Variants in HS3ST3A1 observed in about 807,000 individuals in gnomAD.
HS3ST3A1 encodes the protein heparan sulfate glucosamine 3-O-sulfotransferase 3A1.
HS3ST3A1 carries 19 observed loss-of-function variants against 25.7 expected under a neutral mutation model. That is an observed-to-expected ratio of 0.74 (90% CI 0.52 to 1.08). The LOEUF is 1.08. Ranked by LOEUF, HS3ST3A1 falls within the 50% of genes least tolerant of loss-of-function variation. The probability of loss-of-function intolerance (pLI) is 0.00; values close to 1 mark genes in which losing one functional copy is unlikely to be tolerated. For missense variants in HS3ST3A1, 459 were observed against 594.3 expected (o/e 0.77, Z 2.37); for synonymous variants, 226 against 278.6 (o/e 0.81, Z 1.88).
At chr17:13,560,237 C>A (rs551500004) in intron 1 of HS3ST3A1, among the ~76,000 whole-genome samples, 4 of 133,476 alleles carry the variant, frequency 3.0e-5, no homozygotes, top group African/African-American at 1.1e-4. Context: ...TTGCAGTGAG[C>A]CGAGACAGCG....
At chr17:13,524,419 G>A (rs113193948) in intron 1 of HS3ST3A1, among the ~76,000 whole-genome samples, 2 of 151,950 alleles carry the variant, frequency 1.3e-5, no homozygotes, top group Admixed American at 6.6e-5. Flanking sequence ...TACCACACCC[G>A]GCTAATTTTT....
At chr17:13,598,456 C>A (rs538908307) in intron 1 of HS3ST3A1, among the ~76,000 whole-genome samples, 1 of 152,174 alleles carries the variant, frequency 6.6e-6, no homozygotes, top group East Asian at 1.9e-4. Context: ...CAATAAAAAA[C>A]CACTGCAAAT....
intron 1 of HS3ST3A1, among the ~76,000 whole-genome samples, chr17:13,504,475 G>T (rs1200569406): frequency 6.6e-6 from 1 of 152,130 alleles, no homozygotes; most frequent in Non-Finnish European, 1.5e-5. Context: ...GTTACCCTTA[G>T]GGGGATCGGT....
intron 1 of HS3ST3A1, among the ~76,000 whole-genome samples, chr17:13,585,186 C>CTTTGTTTTTTT (rs1908219611): frequency 3.0e-5 from 1 of 33,234 alleles, no homozygotes; most frequent in Non-Finnish European, 5.2e-5. Flanking sequence ...TTTTTCTGTG[C>CTTTGTTTTTTT]TTTTTTTTTT....
intron 1 of HS3ST3A1, among the ~76,000 whole-genome samples, chr17:13,504,125 CAACTGGTGA>C (rs1905578765): frequency 6.6e-6 from 1 of 151,876 alleles, no homozygotes; most frequent in Non-Finnish European, 1.5e-5. Flanking sequence ...CCAGCCTGAC[CAACTGGTGA>C]AACCCCGTCT....
chr17:13,507,898 T>C (rs1905734723), intron 1 of HS3ST3A1, among the ~76,000 whole-genome samples: 1 of 152,200 alleles, frequency 6.6e-6, no homozygotes, highest in Admixed American at 6.5e-5. Flanking sequence ...TGCTGTCAGC[T>C]CGCCATCCCT....
At chr17:13,567,490 T>G (rs996022612) in intron 1 of HS3ST3A1, among the ~76,000 whole-genome samples, 5 of 152,342 alleles carry the variant, frequency 3.3e-5, no homozygotes, top group Middle Eastern at 6.8e-3. Flanking sequence ...CCATAGATAG[T>G]GATTCCTCTG....
intron 1 of HS3ST3A1, 121 bp downstream of exon 1, chr17:13,600,410 C>T: frequency 1.4e-6 from 2 of 1,406,718 alleles, no homozygotes; most frequent in Non-Finnish European, 1.8e-6. Context: ...CTTGACGACC[C>T]TTCGCCTTCT....
intron 1 of HS3ST3A1, among the ~76,000 whole-genome samples, chr17:13,552,444 T>C (rs562818329): frequency 5.9e-5 from 9 of 152,324 alleles, no homozygotes; most frequent in African/African-American, 2.2e-4. Context: ...GCACCAGGCA[T>C]GGCAGGGCAA....
intron 1 of HS3ST3A1, among the ~76,000 whole-genome samples, chr17:13,529,037 A>G (rs560760269): frequency 6.6e-6 from 1 of 152,160 alleles, no homozygotes; most frequent in African/African-American, 2.4e-5. Flanking sequence ...GTAGACTCTG[A>G]TAAAGGGAAA....
Position 13,496,491 on chromosome 17 carries a change from G to A in HS3ST3A1, c.927C>T (p.Phe309=), listed in dbSNP as rs761345338. ...LRHFPIRQML[F]VSGERLISDP... ...CGCTGATGAGCCGCTCGCCGCTCAC[G>A]AAGAGCATCTGGCGGATGGGGAAGT... The change falls in exon 2 of 2, where the codon TTC becomes TTT. Residue 309 remains phenylalanine, a synonymous_variant. Coordinates refer to ENST00000284110, the MANE Select transcript of HS3ST3A1 (RefSeq NM_006042.3). 1.4e-5 allele frequency: 20 copies of A among 1,429,128 alleles called. No homozygotes were observed. The African/African-American group carries it at 2.4e-4, about 17-fold the overall frequency. The allele number at this position is 1,429,128 out of a possible 1,614,324, so 88.5% of individuals were successfully genotyped here. A position where few individuals can be genotyped will look rare whatever the true frequency, so the allele number is the denominator to read the frequency against.
At chr17:13,551,289 C>T (rs1907234788) in intron 1 of HS3ST3A1, among the ~76,000 whole-genome samples, 1 of 151,278 alleles carries the variant, frequency 6.6e-6, no homozygotes, top group Non-Finnish European at 1.5e-5. Context: ...GCAGAGGTTG[C>T]AGTGAGCTGA....
At chr17:13,498,702 C>G (rs1905359768) in intron 1 of HS3ST3A1, among the ~76,000 whole-genome samples, 2 of 152,176 alleles carry the variant, frequency 1.3e-5, no homozygotes, top group South Asian at 2.1e-4. Flanking sequence ...TGGGTTAGAT[C>G]ATACCCTTTT....
intron 1 of HS3ST3A1, among the ~76,000 whole-genome samples, chr17:13,571,463 G>C (rs1413295531): frequency 6.6e-6 from 1 of 152,132 alleles, no homozygotes; most frequent in Non-Finnish European, 1.5e-5. Context: ...ATCGCTTTCT[G>C]AGGGCAACCT....
chr17:13,577,425 C>T (rs1482706264), intron 1 of HS3ST3A1, among the ~76,000 whole-genome samples: 1 of 152,172 alleles, frequency 6.6e-6, no homozygotes, highest in South Asian at 2.1e-4. Flanking sequence ...GACCTTCCTT[C>T]CCCACTGCCT....
chr17:13,572,339 T>C (rs1268229882), intron 1 of HS3ST3A1, among the ~76,000 whole-genome samples: 2 of 152,106 alleles, frequency 1.3e-5, no homozygotes, highest in Non-Finnish European at 2.9e-5. Context: ...GGATCAAAGG[T>C]TGGGCTCCTG....
In HS3ST3A1 at chr17:13,494,059, T is replaced by C. The variant is rs917176507; in HGVS notation, c.*2138A>G. ...CTTTGCATTCAATTCTGTTCTTTTA[T>C]TTCTTTCACATTAAAAAAATGAAGG... On this transcript the variant is annotated 3_prime_UTR_variant, in exon 2 of 2. Coordinates refer to ENST00000284110, the MANE Select transcript of HS3ST3A1 (RefSeq NM_006042.3). Among the ~76,000 whole-genome samples, 2 of 152,244 alleles carry C rather than the reference T, an allele frequency of 1.3e-5. No homozygotes were observed. Among genetic ancestry groups the C allele is most frequent in the Non-Finnish European group, 2.9e-5 (2 of 68,034 alleles).
chr17:13,574,759 C>CAAAA (rs1426918791), intron 1 of HS3ST3A1, among the ~76,000 whole-genome samples: 23 of 75,766 alleles, frequency 3.0e-4, no homozygotes, highest in African/African-American at 1.3e-3. Flanking sequence ...CACACACACA[C>CAAAA]AAAAAACACA....
At chr17:13,543,719 A>G (rs943109104) in intron 1 of HS3ST3A1, 5 of 154,714 alleles carry the variant, frequency 3.2e-5, no homozygotes, top group African/African-American at 1.2e-4. Flanking sequence ...AATTTGTCTC[A>G]ATGATAAAAA....
Sources: allele counts gnomAD v4.1 joint callset (sites outside exome capture counted in the v4.1 genomes callset), GRCh38; gene constraint gnomAD v4.1.1; transcripts MANE v1.5; gene names NCBI Gene and HGNC (gene_info 2026-07-23, HGNC 2026-07-21).